PRR12: variants seen among roughly 807,000 people sequenced by gnomAD.
PRR12 encodes proline-rich protein 12.
Under a neutral mutation model 138.0 loss-of-function variants are expected in PRR12, and 12 were observed. The observed-to-expected ratio is 0.09, with a 90% confidence interval of 0.06 to 0.14. The LOEUF (loss-of-function observed/expected upper bound fraction) is 0.14. Ranked by LOEUF, PRR12 falls within the 10% of genes least tolerant of loss-of-function variation. The pLI is 1.00. For missense variants in PRR12, 2,692 were observed against 2,861.3 expected (o/e 0.94, Z 1.35); for synonymous variants, 1,567 against 1,291.7 (o/e 1.21, Z -4.57).
In PRR12 at chr19:49,625,777, CT is replaced by C; in HGVS notation, c.*171del. The C allele has an allele frequency of 6.7e-6, 5 of 750,134 alleles. No homozygotes were observed. In the South Asian group the frequency reaches 8.5e-5, roughly 13 times the overall value. 46.5% of individuals were successfully genotyped at this position (750,134 alleles called of 1,614,324 possible). On this transcript the variant is annotated 3_prime_UTR_variant, in exon 14 of 14. Transcript: ENST00000418929. This position sits in a 1 kb window ranked among gnomAD's most constrained non-coding sequence, Gnocchi z 5.5. ...CAGGGTTCAAAGTCCGACTCCCCCC[CT>C]CTCCCAAGCCCCCTCCACTCCCTCC...
At position 49,616,278 on chromosome 19, in the gene PRR12, G is replaced by A. The variant is rs908457931; in HGVS notation, c.5497+59G>A. On this transcript the variant is annotated intron_variant, in intron 9 of 13. Coordinates refer to ENST00000418929, the MANE Select transcript of PRR12 (RefSeq NM_020719.3). This position sits in a 1 kb window ranked among gnomAD's most constrained non-coding sequence, Gnocchi z 4.2. ...TGGGTGGGGAAGGGACACAGGTGAG[G>A]GCTGTCCAGAGGGCTCCAGGTAGCC... 7.0e-7 allele frequency: 1 copy of A among 1,423,460 alleles called. No homozygotes were observed. The highest frequency in any genetic ancestry group is 2.7e-5 in the Admixed American group (1 of 36,830). The allele number at this position is 1,423,460 out of a possible 1,614,324, so 88.2% of individuals were successfully genotyped here. A position where few individuals can be genotyped will look rare whatever the true frequency, so the allele number is the denominator to read the frequency against.
intron 4 of PRR12, 21 bp downstream of exon 4, chr19:49,598,034 G>A (rs1198801285): frequency 5.2e-6 from 7 of 1,337,632 alleles, no homozygotes; most frequent in South Asian, 2.3e-5. Flanking sequence ...ATGGGGTCTT[G>A]TAGGGGATAG....
chr19:49,607,278 C>T (rs1036426055), intron 6 of PRR12, among the ~76,000 whole-genome samples: 6 of 152,064 alleles, frequency 3.9e-5, no homozygotes, highest in Non-Finnish European at 4.4e-5. Context: ...CACTTGAGCC[C>T]GGATGTCGAG....
At chr19:49,601,350 C>CT (rs2080808909) in intron 5 of PRR12, 141 bp from the exon 6 acceptor site, 1 of 612,578 alleles carries the variant, frequency 1.6e-6, no homozygotes, top group Admixed American at 3.1e-5. Flanking sequence ...TGGAGAGACT[C>CT]TGATAGGGTA....
Position 49,595,074 on chromosome 19 carries a change from C to G in PRR12, c.739C>G (p.Leu247Val). 6.2e-7 allele frequency: 1 copy of G among 1,612,006 alleles called. No homozygotes were observed. ...PPRHLPTQFN[L>V]LASSSAAAAA... ...TCGCCACCTCCCAACTCAGTTCAAC[C>G]TGCTGGCTTCCTCTTCCGCTGCCGC... Residue 247 changes from leucine (L) to valine (V), a missense_variant, in exon 4 of 14, where the codon CTG becomes GTG. Physicochemically the swap from Leu to Val is conservative, Grantham distance 32. Coordinates refer to ENST00000418929, the MANE Select transcript of PRR12 (RefSeq NM_020719.3).
chr19:49,593,777 G>T (rs1315082167), intron 2 of PRR12, among the ~76,000 whole-genome samples: 1 of 152,034 alleles, frequency 6.6e-6, no homozygotes, highest in East Asian at 1.9e-4. Flanking sequence ...TGGCTCTTTG[G>T]AACTCTGAAT....
At chr19:49,604,080 A>G (rs1370335582) in intron 6 of PRR12, among the ~76,000 whole-genome samples, 1 of 152,068 alleles carries the variant, frequency 6.6e-6, no homozygotes, top group Non-Finnish European at 1.5e-5. Context: ...CGGCCTCCCA[A>G]AGTGCTGGGA....
At chr19:49,619,615 C>G (rs918569894) in intron 9 of PRR12, among the ~76,000 whole-genome samples, 1 of 143,500 alleles carries the variant, frequency 7.0e-6, no homozygotes, top group Non-Finnish European at 1.5e-5. Flanking sequence ...GATCTCGGCT[C>G]ACCGCAACCT....
intron 6 of PRR12, among the ~76,000 whole-genome samples, chr19:49,605,810 C>G (rs924955589): frequency 6.6e-6 from 1 of 152,234 alleles, no homozygotes; most frequent in Non-Finnish European, 1.5e-5. Flanking sequence ...GGGGGCCAGG[C>G]GAGGACTCAG....
At position 49,614,752 on chromosome 19, in the gene PRR12, G is replaced by A. The variant is rs2080882909; in HGVS notation, c.4890+103G>A. The A allele has an allele frequency of 1.3e-6, 2 of 1,510,214 alleles. No individual in the cohort carries two copies. The highest frequency in any genetic ancestry group is 1.4e-5 in the African/African-American group (1 of 72,700). 93.6% of individuals were successfully genotyped at this position (1,510,214 alleles called of 1,614,324 possible). ...CTGTGACTCACTCCACAGTGTATCT[G>A]GAAGGGGGCCCCCTGCTGCCGGCAG... On this transcript the variant is annotated intron_variant, in intron 7 of 13. Coordinates refer to ENST00000418929, the MANE Select transcript of PRR12 (RefSeq NM_020719.3). This position sits in a 1 kb window ranked among gnomAD's most constrained non-coding sequence, Gnocchi z 5.0.
intron 11 of PRR12, among the ~76,000 whole-genome samples, chr19:49,623,023 T>A (rs899318846): frequency 2.7e-5 from 4 of 149,246 alleles, no homozygotes; most frequent in African/African-American, 1.0e-4. Context: ...TTTCTCAGAA[T>A]GATGGGTGGG....
chr19:49,597,209 C>T lies in PRR12; in HGVS notation c.2874C>T (p.Ala958=), dbSNP rs1276198741. The change falls in exon 4 of 14, where the codon GCC becomes GCT. Residue 958 remains alanine, a synonymous_variant. Coordinates refer to ENST00000418929, the MANE Select transcript of PRR12 (RefSeq NM_020719.3). The surrounding 1 kb of genome is among the most constrained non-coding windows in gnomAD (Gnocchi z 6.3). ...TGGAGGAGATGTTCGGTGGAGGGGC[C>T]GCGGACGACTACGGCAAGGCCGGGC... ...PTMEEMFGGG[A]ADDYGKAGPP... 1.3e-6 allele frequency: 2 copies of T among 1,564,754 alleles called. No homozygotes were observed. The highest frequency in any genetic ancestry group is 1.7e-6 in the Non-Finnish European group (2 of 1,154,980).
At position 49,601,660 on chromosome 19, in the gene PRR12, T is replaced by A. The variant is rs1419484796; in HGVS notation, c.4515T>A (p.Pro1505=). Residue 1505 remains proline (P), a synonymous_variant, in exon 6 of 14, where the codon CCT becomes CCA. Transcript: ENST00000418929. ...SPPPPPLPPP[P]PPAMPSPPPP... is the part of the protein sequence containing the mutation. Reference sequence around the variant, plus strand: ...CGCCACCGCCGCTGCCGCCGCCACCTCCACCAGCCATGCCCTCGCCTCCAC... The same window carrying A: ...CGCCACCGCCGCTGCCGCCGCCACCACCACCAGCCATGCCCTCGCCTCCAC... 5 of 1,533,976 alleles carry A rather than the reference T, an allele frequency of 3.3e-6. No individual in the cohort carries two copies. The highest frequency in any genetic ancestry group is 4.4e-6 in the Non-Finnish European group (5 of 1,144,570).
At chr19:49,605,560 C>T (rs909250720) in intron 6 of PRR12, among the ~76,000 whole-genome samples, 1 of 152,254 alleles carries the variant, frequency 6.6e-6, no homozygotes, top group East Asian at 1.9e-4. Context: ...CTGCGCCCAG[C>T]CAGGAACCCA....
At chr19:49,623,284 T>A (rs1159927903) in intron 11 of PRR12, among the ~76,000 whole-genome samples, 1 of 152,022 alleles carries the variant, frequency 6.6e-6, no homozygotes, top group Non-Finnish European at 1.5e-5. Flanking sequence ...CAGTGTAGGA[T>A]ATTAGAGTAG....
At position 49,596,064 on chromosome 19, in the gene PRR12, C is replaced by G; in HGVS notation, c.1729C>G (p.Pro577Ala). 6.2e-7 allele frequency: 1 copy of G among 1,601,780 alleles called. No individual in the cohort carries two copies. Among genetic ancestry groups the G allele is most frequent in the Non-Finnish European group, 8.5e-7 (1 of 1,179,740 alleles). The change falls in exon 4 of 14, where the codon CCA becomes GCA. Residue 577 changes from proline (P) to alanine (A), a missense_variant. Pro to Ala is a conservative substitution (Grantham distance 27). Coordinates refer to ENST00000418929, the MANE Select transcript of PRR12 (RefSeq NM_020719.3). The surrounding 1 kb of genome is among the most constrained non-coding windows in gnomAD (Gnocchi z 5.6). ...PLQSPPATGR[P>A]PGVGSPGAPG... The stretch of plus-strand genomic sequence containing the variant: ...CCAGTCACCGCCTGCCACCGGCCGT[C>G]CACCTGGAGTCGGCTCTCCAGGAGC...
At position 49,600,019 on chromosome 19, in the gene PRR12, T is replaced by C. The variant is rs2080801333; in HGVS notation, c.4345+81T>C. 7 of 1,358,366 alleles carry C rather than the reference T, an allele frequency of 5.2e-6. No homozygotes were observed. In the East Asian group the frequency reaches 1.3e-4, roughly 24 times the overall value. The allele number at this position is 1,358,366 out of a possible 1,614,324, so 84.1% of individuals were successfully genotyped here. A position where few individuals can be genotyped will look rare whatever the true frequency, so the allele number is the denominator to read the frequency against. ...GGTAACAGTTGTGCAGGTTACGCAC[T>C]GTTTAAGAGACACCATTCACATACA... is the stretch of plus-strand genomic sequence containing the variant. On this transcript the variant is annotated intron_variant, in intron 5 of 13. Transcript: ENST00000418929.
At position 49,595,173 on chromosome 19, in the gene PRR12, C is replaced by A. The variant is rs1448584689; in HGVS notation, c.838C>A (p.Arg280=). ...TGCCCCGGGCCCACCGCCGCCTGAG[C>A]GGGCCCTGCCACGCCAGGACACGGT... ...GAAPGPPPPE[R]ALPRQDTVIK... is the part of the protein sequence containing the mutation. Residue 280 remains arginine (R), a synonymous_variant, in exon 4 of 14, where the codon CGG becomes AGG. Coordinates refer to ENST00000418929, the MANE Select transcript of PRR12 (RefSeq NM_020719.3). 6.2e-7 allele frequency: 1 copy of A among 1,608,634 alleles called. No individual in the cohort carries two copies. Among genetic ancestry groups the A allele is most frequent in the South Asian group, 1.1e-5 (1 of 90,740 alleles).
At chr19:49,609,769 C>G (rs1216371931) in intron 6 of PRR12, among the ~76,000 whole-genome samples, 1 of 152,046 alleles carries the variant, frequency 6.6e-6, no homozygotes, top group Non-Finnish European at 1.5e-5. Flanking sequence ...TGAGGCTGGG[C>G]TGGTGGGCTG....
Sources: gnomAD v4.1 joint callset for allele counts (sites outside exome capture counted in the v4.1 genomes callset) on GRCh38, gnomAD v4.1.1 for gene constraint, Gnocchi (gnomAD v3.1) non-coding constraint, MANE v1.5 for transcripts, NCBI Gene and HGNC (gene_info 2026-07-23, HGNC 2026-07-21) for gene names.